PARD3: variants seen among roughly 807,000 people sequenced by gnomAD.
The protein encoded by PARD3 is par-3 family cell polarity regulator, also known as partitioning defective 3 homolog.
A neutral mutation model predicts 155.4 loss-of-function variants in PARD3; 75 were observed. That is an observed-to-expected ratio of 0.48 (90% CI 0.40 to 0.58). PARD3 has a LOEUF of 0.58. PARD3 is among the 20% of genes least tolerant of loss of function. PARD3 has a pLI of 0.00. For missense variants in PARD3, 1,642 were observed against 1,721.7 expected, an observed-to-expected ratio of 0.95 and a Z score of 0.82; for synonymous variants, 576 against 610.5, an observed-to-expected ratio of 0.94 and a Z score of 0.83.
chr10:34,210,685 AG>A lies in PARD3; in HGVS notation c.3419+58971del, dbSNP rs566661682. Among the ~76,000 whole-genome samples, 14 of 152,292 alleles carry A rather than the reference AG, an allele frequency of 9.2e-5. No individual in the cohort carries two copies. The South Asian group carries it at 2.9e-3, about 32-fold the overall frequency. On this transcript the variant is annotated intron_variant, in intron 22 of 24. Transcript: ENST00000374788. Reference sequence around the variant, plus strand: ...TGACTCTAACTCTGTGGTCTCCTAGAGGAAGTTCACCACATCACTATCATCA... The same window carrying A: ...TGACTCTAACTCTGTGGTCTCCTAGAGAAGTTCACCACATCACTATCATCA...
At chr10:34,262,136 T>C (rs1357254320) in intron 22 of PARD3, among the ~76,000 whole-genome samples, 1 of 152,082 alleles carries the variant, frequency 6.6e-6, no homozygotes, top group African/African-American at 2.4e-5. Context: ...TGTAGTCAAC[T>C]ACATCTACTG....
chr10:34,142,448 T>C (rs576524093), intron 22 of PARD3, among the ~76,000 whole-genome samples: 145 of 151,654 alleles, frequency 9.6e-4, no homozygotes, highest in African/African-American at 3.3e-3. Flanking sequence ...AGCAGGAGAA[T>C]TGCTTGAGCC....
chr10:34,733,309 T>G (rs1328326272), intron 1 of PARD3, among the ~76,000 whole-genome samples: 1 of 152,190 alleles, frequency 6.6e-6, no homozygotes, highest in Non-Finnish European at 1.5e-5. Context: ...ACTATTAGAA[T>G]GTGTTGAAAG....
At chr10:34,585,544 TTTC>T (rs1211621339) in intron 2 of PARD3, among the ~76,000 whole-genome samples, 4 of 125,872 alleles carry the variant, frequency 3.2e-5, no homozygotes, top group South Asian at 2.7e-4. Flanking sequence ...TTTCTTTTTC[TTTC>T]TTTTTTTTTT....
At chr10:34,662,708 C>T (rs1053665538) in intron 2 of PARD3, among the ~76,000 whole-genome samples, 4 of 152,016 alleles carry the variant, frequency 2.6e-5, no homozygotes, top group Admixed American at 6.6e-5. Context: ...CCCATCTCTA[C>T]TAAAAATACA....
chr10:34,129,696 G>GCC (rs1947492101), intron 23 of PARD3, among the ~76,000 whole-genome samples: 1 of 51,828 alleles, frequency 1.9e-5, no homozygotes, highest in Admixed American at 1.5e-4. Context: ...GTAATGTCAA[G>GCC]CCTCTTTTTT....
intron 12 of PARD3, among the ~76,000 whole-genome samples, chr10:34,361,190 GATGCT>G (rs1839403159): frequency 6.6e-6 from 1 of 152,154 alleles, no homozygotes; most frequent in Non-Finnish European, 1.5e-5. Flanking sequence ...GTAAGGCTAG[GATGCT>G]TGTTCAAGCA....
chr10:34,422,028 A>G (rs1342499131), intron 5 of PARD3, among the ~76,000 whole-genome samples: 4 of 152,116 alleles, frequency 2.6e-5, no homozygotes, highest in Non-Finnish European at 5.9e-5. Flanking sequence ...CAGGCAGAGG[A>G]CCAGACCAAG....
chr10:34,673,962 A>T (rs1481929745), intron 2 of PARD3, among the ~76,000 whole-genome samples: 1 of 151,060 alleles, frequency 6.6e-6, no homozygotes, highest in Admixed American at 6.6e-5. Context: ...TCCAGCATGG[A>T]AGACAGAGCG....
chr10:34,451,757 G>A (rs1314254357), intron 4 of PARD3, among the ~76,000 whole-genome samples: 1 of 144,512 alleles, frequency 6.9e-6, no homozygotes, highest in Non-Finnish European at 1.5e-5. Flanking sequence ...GTAGCAAGAT[G>A]AAACTTTAGC....
intron 4 of PARD3, among the ~76,000 whole-genome samples, chr10:34,465,321 A>T (rs554426447): frequency 1.3e-5 from 2 of 152,242 alleles, no homozygotes; most frequent in Non-Finnish European, 2.9e-5. Context: ...CTATCAGGGA[A>T]AAAAAAGGGG....
At chr10:34,199,113 G>A (rs968064804) in intron 22 of PARD3, among the ~76,000 whole-genome samples, 5 of 152,078 alleles carry the variant, frequency 3.3e-5, no homozygotes, top group Admixed American at 6.6e-5. Flanking sequence ...ATAAGATGGA[G>A]CTCTGGCATC....
At chr10:34,480,675 A>G (rs1294502472) in intron 3 of PARD3, among the ~76,000 whole-genome samples, 1 of 152,202 alleles carries the variant, frequency 6.6e-6, no homozygotes, top group Non-Finnish European at 1.5e-5. Flanking sequence ...TGGCTAAGAT[A>G]TATCAGTCAG....
At chr10:34,146,594 A>G (rs1948517001) in intron 22 of PARD3, among the ~76,000 whole-genome samples, 1 of 152,190 alleles carries the variant, frequency 6.6e-6, no homozygotes, top group Admixed American at 6.5e-5. Flanking sequence ...TGTGATGAAA[A>G]TCACAGTTTG....
At chr10:34,731,167 G>C (rs1649207500) in intron 1 of PARD3, among the ~76,000 whole-genome samples, 1 of 151,972 alleles carries the variant, frequency 6.6e-6, no homozygotes, top group Non-Finnish European at 1.5e-5. Context: ...TTCCAAATCA[G>C]AAAAAAAGTC....
intron 2 of PARD3, among the ~76,000 whole-genome samples, chr10:34,628,862 C>T (rs996856234): frequency 3.9e-5 from 6 of 152,316 alleles, no homozygotes; most frequent in South Asian, 4.1e-4. Context: ...AAAAATTCCA[C>T]GCATTACAGA....
chr10:34,119,601 G>T lies in PARD3; in HGVS notation c.3668+12C>A. The T allele has an allele frequency of 6.3e-7, 1 of 1,588,230 alleles. No homozygotes were observed. Among genetic ancestry groups the T allele is most frequent in the Non-Finnish European group, 8.6e-7 (1 of 1,161,844 alleles). On this transcript the variant is annotated intron_variant, in intron 24 of 24. Coordinates refer to ENST00000374788, the MANE Select transcript of PARD3 (RefSeq NM_001184785.2). ...CGGGGGGATCTGGAGGCTCGGCCAA[G>T]CGTCCTCATACCGAGGCAGAGAGCT...
At chr10:34,746,990 G>T (rs569555946) in intron 1 of PARD3, among the ~76,000 whole-genome samples, 38 of 152,288 alleles carry the variant, frequency 2.5e-4, no homozygotes, top group African/African-American at 8.2e-4. Context: ...GCGGGGATTA[G>T]AAGGCAGAGA....
chr10:34,661,640 CTATT>C (rs755530641), intron 2 of PARD3, among the ~76,000 whole-genome samples: 92 of 152,304 alleles, frequency 6.0e-4, no homozygotes, highest in Non-Finnish European at 1.2e-3. Context: ...TGAACATGAC[CTATT>C]TATTCATCTG....
Sources: allele counts gnomAD v4.1 joint callset (sites outside exome capture counted in the v4.1 genomes callset), GRCh38; gene constraint gnomAD v4.1.1; transcripts MANE v1.5; gene names NCBI Gene and HGNC (gene_info 2026-07-23, HGNC 2026-07-21).